The following VEGFC variants were observed in gnomAD, a reference collection of about 807,000 sequenced individuals.
VEGFC encodes the protein FLT4 ligand DHM.
VEGFC carries 12 observed loss-of-function variants against 46.1 expected under a neutral mutation model. The observed-to-expected ratio is 0.26, with a 90% CI of 0.17 to 0.42. The LOEUF (loss-of-function observed/expected upper bound fraction) is 0.42, where lower values mean the gene tolerates loss of function less well. Among genes scored for constraint, VEGFC ranks in the 10% least tolerant of loss-of-function variants. The pLI is 1.00. For missense variants in VEGFC, 488 were observed against 529.4 expected (o/e 0.92, Z 0.77); for synonymous variants, 232 against 195.5 (o/e 1.19, Z -1.56).
chr4:176,749,695 CAAA>C (rs1420537266), intron 1 of VEGFC, among the ~76,000 whole-genome samples: 1 of 151,460 alleles, frequency 6.6e-6, no homozygotes, highest in Non-Finnish European at 1.5e-5. Flanking sequence ...AGAAAGTGGT[CAAA>C]TATATACCAA....
intron 4 of VEGFC, among the ~76,000 whole-genome samples, chr4:176,694,306 CA>C (rs1053190889): frequency 3.3e-5 from 5 of 150,918 alleles, no homozygotes; most frequent in African/African-American, 7.3e-5. Flanking sequence ...AAATGGAAAA[CA>C]AAAAAAGGCA....
chr4:176,725,824 G>A (rs948355407), intron 3 of VEGFC, among the ~76,000 whole-genome samples: 11 of 152,084 alleles, frequency 7.2e-5, no homozygotes, highest in South Asian at 2.1e-4. Flanking sequence ...AAGAGGTTTG[G>A]CTTGAAGATA....
chr4:176,727,339 CACT>C (rs1239307482), intron 3 of VEGFC, among the ~76,000 whole-genome samples: 2 of 152,114 alleles, frequency 1.3e-5, no homozygotes, highest in Non-Finnish European at 2.9e-5. Flanking sequence ...AATACTATAC[CACT>C]GTTTCACAGA....
At chr4:176,705,918 T>A (rs1734525616) in intron 4 of VEGFC, 1 of 152,112 alleles carries the variant, frequency 6.6e-6, no homozygotes, top group Non-Finnish European at 1.5e-5. Flanking sequence ...AAAAAATGTG[T>A]CACAAGAAAG....
chr4:176,761,258 T>TA (rs1735526142), intron 1 of VEGFC, among the ~76,000 whole-genome samples: 1 of 152,214 alleles, frequency 6.6e-6, no homozygotes, highest in Non-Finnish European at 1.5e-5. Context: ...AGTGAGAACT[T>TA]ATTTAAGTCC....
intron 4 of VEGFC, among the ~76,000 whole-genome samples, chr4:176,702,611 TAAGACTG>T (rs1044205872): frequency 2.0e-4 from 31 of 152,108 alleles, no homozygotes; most frequent in African/African-American, 7.2e-4. Flanking sequence ...TTTCACAGCT[TAAGACTG>T]AAATCAACCT....
rs539247034 is a variant in VEGFC, at chr4:176,748,484, A to G, written c.148-18738T>C. On this transcript the variant is annotated intron_variant, in intron 1 of 6. Coordinates refer to ENST00000618562, the MANE Select transcript of VEGFC (RefSeq NM_005429.5). ...CAAATAGTAGTGTCTGGATATTTCAAGTAGTACGTATACAGCATAAATATA... is the reference window on the plus strand; with the variant it reads ...CAAATAGTAGTGTCTGGATATTTCAGGTAGTACGTATACAGCATAAATATA... 4.6e-5 allele frequency among the ~76,000 whole-genome samples: 7 copies of G among 152,162 alleles called. No homozygotes were observed. In the East Asian group the frequency reaches 1.2e-3, roughly 25 times the overall value.
chr4:176,774,285 T>A (rs1460365613), intron 1 of VEGFC, among the ~76,000 whole-genome samples: 3 of 152,102 alleles, frequency 2.0e-5, no homozygotes, highest in Admixed American at 6.5e-5. Context: ...AATAAAAATT[T>A]TGATTCATAT....
At chr4:176,698,895 T>C (rs1271471372) in intron 4 of VEGFC, among the ~76,000 whole-genome samples, 2 of 152,170 alleles carry the variant, frequency 1.3e-5, no homozygotes, top group East Asian at 3.8e-4. Flanking sequence ...ATCTTTGTAA[T>C]ATATTTCTAA....
At chr4:176,752,824 C>T (rs1189122407) in intron 1 of VEGFC, among the ~76,000 whole-genome samples, 3 of 151,910 alleles carry the variant, frequency 2.0e-5, no homozygotes, top group Non-Finnish European at 4.4e-5. Flanking sequence ...AGACCACTGG[C>T]TAGGACACTT....
intron 1 of VEGFC, among the ~76,000 whole-genome samples, chr4:176,781,872 C>T (rs1284194676): frequency 2.0e-5 from 3 of 152,238 alleles, no homozygotes; most frequent in African/African-American, 7.2e-5. Context: ...ACTTTGAACA[C>T]TGCTTGCCTG....
At chr4:176,762,811 G>C (rs1235541793) in intron 1 of VEGFC, among the ~76,000 whole-genome samples, 1 of 152,188 alleles carries the variant, frequency 6.6e-6, no homozygotes, top group African/African-American at 2.4e-5. Context: ...TGGAACAGTT[G>C]CTCCAGCTGG....
At chr4:176,696,540 G>A (rs1265825459) in intron 4 of VEGFC, among the ~76,000 whole-genome samples, 2 of 149,684 alleles carry the variant, frequency 1.3e-5, no homozygotes, top group African/African-American at 2.5e-5. Context: ...AATCAATATC[G>A]TGAAAATGGC....
At chr4:176,724,597 C>A (rs1041771509) in intron 3 of VEGFC, among the ~76,000 whole-genome samples, 1 of 152,132 alleles carries the variant, frequency 6.6e-6, no homozygotes, top group Non-Finnish European at 1.5e-5. Context: ...ACTTGACACC[C>A]AAATTAAGAT....
chr4:176,689,848 A>G (rs1026936285), intron 4 of VEGFC, among the ~76,000 whole-genome samples: 1 of 152,246 alleles, frequency 6.6e-6, no homozygotes, highest in Non-Finnish European at 1.5e-5. Flanking sequence ...CTGATTAGGA[A>G]ACAATATACA....
intron 1 of VEGFC, among the ~76,000 whole-genome samples, chr4:176,774,822 AAG>A (rs1735787991): frequency 6.7e-6 from 1 of 148,890 alleles, no homozygotes; most frequent in Non-Finnish European, 1.5e-5. Context: ...TAAAAAAAAA[AAG>A]AATGCAAAAA....
At chr4:176,719,310 GT>G (rs35467925) in intron 3 of VEGFC, among the ~76,000 whole-genome samples, 141,558 of 151,572 alleles carry the variant, frequency 0.93, 66,718 homozygotes, top group East Asian at 1. Flanking sequence ...TCTTTTTTTT[GT>G]TTTTTTTTAC....
chr4:176,785,098 G>A (rs1735979600), intron 1 of VEGFC, among the ~76,000 whole-genome samples: 1 of 152,114 alleles, frequency 6.6e-6, no homozygotes, highest in African/African-American at 2.4e-5. Context: ...AGAGTGCATA[G>A]GTTCTGCAGT....
chr4:176,693,226 T>G (rs35174010), intron 4 of VEGFC, among the ~76,000 whole-genome samples: 70,858 of 145,238 alleles, frequency 0.49, 20,319 homozygotes, highest in East Asian at 0.87. Context: ...TTGAAAACTT[T>G]GAAAAAAATT....
Sources: allele counts gnomAD v4.1 joint callset (sites outside exome capture counted in the v4.1 genomes callset), GRCh38; gene constraint gnomAD v4.1.1; transcripts MANE v1.5; gene names NCBI Gene and HGNC (gene_info 2026-07-23, HGNC 2026-07-21).